PCNT: variants seen among roughly 807,000 people sequenced by gnomAD.
PCNT encodes pericentrin.
A neutral mutation model predicts 380.4 loss-of-function variants in PCNT; 319 were observed. The ratio of observed to expected loss-of-function variants is 0.84; its 90% CI spans 0.77 to 0.92. PCNT has a LOEUF of 0.92. Ranked by LOEUF, PCNT falls within the 40% of genes least tolerant of loss-of-function variation. PCNT has a pLI of 0.00. For synonymous variants in PCNT, 1,845 were observed against 1,735.2 expected (o/e 1.06, Z -1.57); for missense variants, 4,400 against 4,255.3 (o/e 1.03, Z -0.95).
At chr21:46,424,585 C>T (rs765036667) in intron 32 of PCNT, among the ~76,000 whole-genome samples, 2 of 152,336 alleles carry the variant, frequency 1.3e-5, no homozygotes, top group Non-Finnish European at 2.9e-5. Flanking sequence ...TGCATTTTCT[C>T]CTCTATACAG....
chr21:46,344,178 A>AT (rs1349075387), intron 3 of PCNT, among the ~76,000 whole-genome samples: 1 of 150,502 alleles, frequency 6.6e-6, no homozygotes, highest in Non-Finnish European at 1.5e-5. Flanking sequence ...GGTTCATGCC[A>AT]TTCTCCTGCC....
At chr21:46,379,656 C>T (rs1601894523) in intron 15 of PCNT, among the ~76,000 whole-genome samples, 1 of 152,100 alleles carries the variant, frequency 6.6e-6, no homozygotes, top group South Asian at 2.1e-4. Context: ...CTGACTGGAT[C>T]GTCTTAATTG....
intron 24 of PCNT, among the ~76,000 whole-genome samples, chr21:46,399,360 T>TCAGCCTGTGGGTCTGGGTCTCTCTGTG (rs2086340002): frequency 3.0e-4 from 8 of 26,480 alleles, no homozygotes; most frequent in African/African-American, 1.6e-3. Context: ...AGGTCTCTGT[T>TCAGCCTGTGGGTCTGGGTCTCTCTGTG]CAGCCTGTGG....
chr21:46,422,234 T>G, intron 32 of PCNT, 110 bp downstream of exon 32: 1 of 1,365,962 alleles, frequency 7.3e-7, no homozygotes, highest in Non-Finnish European at 1.0e-6. Context: ...CAGCTTTTCC[T>G]GGGTGCCTCT....
At chr21:46,327,282 A>G (rs2083424803) in intron 2 of PCNT, among the ~76,000 whole-genome samples, 1 of 152,010 alleles carries the variant, frequency 6.6e-6, no homozygotes, top group Admixed American at 6.6e-5. Context: ...GATGGTCTCA[A>G]TCTCCTGACC....
intron 15 of PCNT, among the ~76,000 whole-genome samples, chr21:46,369,696 G>A (rs1391807072): frequency 2.6e-5 from 4 of 152,266 alleles, no homozygotes; most frequent in Admixed American, 6.5e-5. Flanking sequence ...GTCAGAGGAA[G>A]CATGTGGAGC....
rs2839226 is a variant in PCNT at position 46,366,579 on chromosome 21, C to G, written c.2610-5C>G. 1.2e-6 allele frequency: 2 copies of G among 1,613,090 alleles called. No individual in the cohort carries two copies. The highest frequency in any genetic ancestry group is 4.5e-5 in the East Asian group (2 of 44,848). On this transcript the variant is annotated splice_region_variant and splice_polypyrimidine_tract_variant and intron_variant, in intron 14 of 46. Transcript: ENST00000359568. ...AACTGTCCTGTGTTCACTTTGTTGCCGCAGGTTTTTAGAGGAACGTAAAGA... is the reference window on the plus strand; with the variant it reads ...AACTGTCCTGTGTTCACTTTGTTGCGGCAGGTTTTTAGAGGAACGTAAAGA...
chr21:46,436,914 T>C (rs1418290894), intron 39 of PCNT, 65 bp from the exon 40 acceptor site: 1 of 1,127,130 alleles, frequency 8.9e-7, no homozygotes, highest in East Asian at 2.4e-5. Flanking sequence ...TGAGCTCTTG[T>C]TTAGTTTTGC....
intron 13 of PCNT, among the ~76,000 whole-genome samples, chr21:46,358,804 T>A (rs528125724): frequency 3.2e-4 from 49 of 151,384 alleles, no homozygotes; most frequent in African/African-American, 9.2e-4. Context: ...TTTTTTATTT[T>A]TTTTTATTTT....
chr21:46,396,200 A>T (rs993128281), intron 21 of PCNT, among the ~76,000 whole-genome samples: 4 of 152,244 alleles, frequency 2.6e-5, no homozygotes, highest in Non-Finnish European at 5.9e-5. Context: ...TCGCCACCCC[A>T]GGTCTCAGGC....
At chr21:46,360,871 C>T (rs1187748234) in intron 13 of PCNT, among the ~76,000 whole-genome samples, 1 of 152,140 alleles carries the variant, frequency 6.6e-6, no homozygotes, top group East Asian at 1.9e-4. Flanking sequence ...AGTTGCAGTG[C>T]TGAGTCTATA....
intron 28 of PCNT, 130 bp from the exon 29 acceptor site, chr21:46,412,706 TG>T: frequency 1.0e-6 from 1 of 955,406 alleles, no homozygotes; most frequent in Non-Finnish European, 1.7e-6. Context: ...TGCTCGGCTG[TG>T]GATGTCACTG....
At position 46,438,279 on chromosome 21, in the gene PCNT, C is replaced by T. The variant is rs2053515597; in HGVS notation, c.9215C>T (p.Ala3072Val). ...VTQEKLELSR[A>V]VSKLEKLLKH... The stretch of plus-strand genomic sequence containing the variant: ...CAGGAGAAGCTGGAGCTGAGCAGAG[C>T]CGTGTCTAAGCTTGAGAAGTTGCTG... The change falls in exon 41 of 47, where the codon GCC becomes GTC. Residue 3072 changes from alanine (A) to valine (V), a missense_variant. Coordinates refer to ENST00000359568, the MANE Select transcript of PCNT (RefSeq NM_006031.6). 4 of 1,614,186 alleles carry T rather than the reference C, an allele frequency of 2.5e-6. No individual in the cohort carries two copies. The highest frequency in any genetic ancestry group is 3.4e-6 in the Non-Finnish European group (4 of 1,180,006).
Position 46,334,674 on chromosome 21 carries a change from G to A in PCNT, c.545G>A (p.Arg182His), listed in dbSNP as rs193268784. 7.2e-5 allele frequency: 115 copies of A among 1,607,534 alleles called. 1 individual carries two copies. In the East Asian group the frequency reaches 2.4e-3, roughly 33 times the overall value. ...ATCAGTGACCACCAACCGGAACAGC[G>A]TGGGATGTTCACAGTCAGTGACCAC... ...FTISDHQPEQ[R>H]GMFTVSDHTP... The change falls in exon 3 of 47, where the codon CGT becomes CAT. Residue 182 changes from arginine to histidine, a missense_variant. Coordinates refer to ENST00000359568, the MANE Select transcript of PCNT (RefSeq NM_006031.6).
intron 32 of PCNT, among the ~76,000 whole-genome samples, chr21:46,423,204 CTT>C (rs34458143): frequency 1.3e-4 from 18 of 142,064 alleles, no homozygotes; most frequent in Admixed American, 2.1e-4. Context: ...TTTGCATTTC[CTT>C]TTTTTTTTTT....
In PCNT at chr21:46,398,095, G is replaced by T. The variant is rs1215864597; in HGVS notation, c.4528G>T (p.Ala1510Ser). The T allele has an allele frequency of 1.3e-6, 2 of 1,599,032 alleles. No individual in the cohort carries two copies. Among genetic ancestry groups the T allele is most frequent in the Admixed American group, 1.7e-5 (1 of 57,966 alleles). ...GCTGGAGGGGCAGCTCCGCCAGGCG[G>T]CCAAGCCGCAGCCCTGGGGCCCTCG... ...QRLEGQLRQAAKPQPWGPRDS... is the reference protein window; with the variant it reads ...QRLEGQLRQASKPQPWGPRDS... Residue 1510 changes from alanine to serine, a missense_variant, in exon 23 of 47, where the codon GCC becomes TCC. By Grantham distance (99) the Ala-to-Ser change is moderately conservative. Transcript: ENST00000359568.
intron 2 of PCNT, among the ~76,000 whole-genome samples, chr21:46,329,234 A>T (rs1013137062): frequency 2.6e-5 from 4 of 152,164 alleles, no homozygotes; most frequent in African/African-American, 9.7e-5. Context: ...CTGATTAAAC[A>T]CTCATACTTT....
At position 46,413,585 on chromosome 21, in the gene PCNT, T is replaced by C. The variant is rs573532448; in HGVS notation, c.6150+593T>C. On this transcript the variant is annotated intron_variant, in intron 29 of 46. Transcript: ENST00000359568. ...GTAGAAACAATCAGTTGGGTTTTTTTCTTGTAATTGATCCAAATGGATTTA... is the reference window on the plus strand; with the variant it reads ...GTAGAAACAATCAGTTGGGTTTTTTCCTTGTAATTGATCCAAATGGATTTA... Among the ~76,000 whole-genome samples, 7 of 152,376 alleles carry C rather than the reference T, an allele frequency of 4.6e-5. No individual in the cohort carries two copies. In the South Asian group the frequency reaches 1.4e-3, roughly 32 times the overall value.
chr21:46,383,204 A>G (rs1173133344), intron 16 of PCNT, among the ~76,000 whole-genome samples: 1 of 147,526 alleles, frequency 6.8e-6, no homozygotes, highest in African/African-American at 2.5e-5. Context: ...AAGCACATTC[A>G]CCATGTTGTA....
Sources: allele counts gnomAD v4.1 joint callset (sites outside exome capture counted in the v4.1 genomes callset), GRCh38; gene constraint gnomAD v4.1.1; transcripts MANE v1.5; gene names NCBI Gene and HGNC (gene_info 2026-07-23, HGNC 2026-07-21).